The following TRNT1 variants were observed in gnomAD, a reference collection of about 807,000 sequenced individuals.
The protein encoded by TRNT1 is tRNA nucleotidyl transferase 1.
Under a neutral mutation model 45.6 loss-of-function variants are expected in TRNT1, and 44 were observed. The ratio of observed to expected loss-of-function variants is 0.97; its 90% CI spans 0.76 to 1.24. The LOEUF (loss-of-function observed/expected upper bound fraction) is 1.24. Among genes scored for constraint, TRNT1 ranks in the 50% most tolerant of loss-of-function variants. The pLI is 0.00. For synonymous variants in TRNT1, 201 were observed against 171.4 expected (o/e 1.17, Z -1.35); for missense variants, 633 against 504.4 (o/e 1.25, Z -2.44).
intron 2 of TRNT1, chr3:3,129,626 C>G (rs971054469): frequency 1.8e-6 from 1 of 550,592 alleles, no homozygotes; most frequent in African/African-American, 1.9e-5. Flanking sequence ...TTACATATGG[C>G]TGATCCAAAA....
chr3:3,128,870 C>T (rs1318228249), intron 1 of TRNT1, 144 bp from the exon 2 acceptor site: 4 of 639,682 alleles, frequency 6.3e-6, no homozygotes, highest in Non-Finnish European at 1.1e-5. Flanking sequence ...GTCGTAATCC[C>T]TCAAACTGAC....
Position 3,144,586 on chromosome 3 carries a change from T to C in TRNT1, c.484T>C (p.Phe162Leu), listed in dbSNP as rs965848707. The C allele has an allele frequency of 1.9e-6, 3 of 1,578,208 alleles. No homozygotes were observed. The highest frequency in any genetic ancestry group is 2.6e-6 in the Non-Finnish European group (3 of 1,161,562). ...DLTINSMFLGFDGTLFDYFNG... is the reference protein window; with the variant it reads ...DLTINSMFLGLDGTLFDYFNG... ...CTCCCTCCTTTTCTAATGAATAGGTTTTGATGGCACTTTATTTGACTACTT... is the reference window on the plus strand; with the variant it reads ...CTCCCTCCTTTTCTAATGAATAGGTCTTGATGGCACTTTATTTGACTACTT... Residue 162 changes from phenylalanine (F) to leucine (L), a missense_variant and splice_region_variant, in exon 5 of 8, where the codon TTT (phenylalanine) becomes CTT (leucine). By Grantham distance (22) the Phe-to-Leu change is conservative. Transcript: ENST00000251607.
intron 3 of TRNT1, 112 bp downstream of exon 3, chr3:3,137,565 T>G: frequency 1.8e-5 from 16 of 882,818 alleles, no homozygotes; most frequent in Non-Finnish European, 2.4e-5. Context: ...AGTCAGTCTC[T>G]TCTATGCCCG....
intron 4 of TRNT1, among the ~76,000 whole-genome samples, chr3:3,144,237 G>GT (rs760047103): frequency 4.0e-4 from 61 of 152,168 alleles, no homozygotes; most frequent in Non-Finnish European, 8.1e-4. Context: ...ATCCTGTTAC[G>GT]TATTTTTTCC....
downstream of TRNT1, chr3:3,149,538 C>T (rs528412420): frequency 4.9e-4 from 74 of 152,010 alleles, no homozygotes; most frequent in Admixed American, 4.8e-3. Context: ...AGAGTTCAGC[C>T]TACAGAGAGG....
intron 2 of TRNT1, chr3:3,131,440 T>C (rs1319332928): frequency 2.0e-5 from 3 of 152,188 alleles, no homozygotes; most frequent in Non-Finnish European, 2.9e-5. Flanking sequence ...ATTTTAACAA[T>C]TGTGTTTAAC....
intron 7 of TRNT1, 82 bp downstream of exon 7, chr3:3,147,785 A>T (rs1706149723): frequency 6.6e-7 from 1 of 1,522,526 alleles, no homozygotes; most frequent in East Asian, 2.3e-5. Context: ...AGATCTACAA[A>T]TCTGTGAATT....
chr3:3,135,160 C>A (rs11721228), intron 2 of TRNT1, among the ~76,000 whole-genome samples: 1 of 152,086 alleles, frequency 6.6e-6, no homozygotes, highest in Admixed American at 6.5e-5. Flanking sequence ...GGGTTATGGG[C>A]TAAGAAGTGT....
intron 3 of TRNT1, among the ~76,000 whole-genome samples, chr3:3,139,893 G>GT (rs1705540156): frequency 6.6e-6 from 1 of 151,938 alleles, no homozygotes; most frequent in African/African-American, 2.4e-5. Flanking sequence ...CACCTGGCTG[G>GT]TTTTTTTGTA....
At chr3:3,150,391 G>A (rs1031169281), downstream of TRNT1, 1 of 153,664 alleles carries the variant, frequency 6.5e-6, no homozygotes, top group African/African-American at 2.4e-5. Flanking sequence ...ACATTGCCTT[G>A]CTTCTTTCCA....
In TRNT1 at chr3:3,147,961, A is replaced by G. The variant is rs1179943378; in HGVS notation, c.1112A>G (p.Glu371Gly). ...RVCELLKYQG[E>G]HCLLKEMQQW... ...TGTGAACTACTGAAGTACCAAGGAG[A>G]GCACTGTCTCCTAAAGGAAATGCAG... is the stretch of plus-strand genomic sequence containing the variant. Residue 371 changes from glutamate to glycine, a missense_variant, in exon 8 of 8, where the codon GAG (glutamate) becomes GGG (glycine). Glu to Gly is a moderately conservative substitution (Grantham distance 98). Coordinates refer to ENST00000251607, the MANE Select transcript of TRNT1 (RefSeq NM_182916.3). The G allele has an allele frequency of 4.3e-6, 7 of 1,613,924 alleles. No homozygotes were observed. Among genetic ancestry groups the G allele is most frequent in the Non-Finnish European group, 5.9e-6 (7 of 1,179,918 alleles).
At chr3:3,152,280 G>A (rs1336456205), downstream of TRNT1, among the ~76,000 whole-genome samples, 4 of 151,730 alleles carry the variant, frequency 2.6e-5, no homozygotes. Flanking sequence ...AGCATCCCGA[G>A]CAGCTGGGAG....
chr3:3,148,387 G>C lies in TRNT1; in HGVS notation c.*233G>C. 2.4e-6 allele frequency: 1 copy of C among 420,330 alleles called. No individual in the cohort carries two copies. Among genetic ancestry groups the C allele is most frequent in the South Asian group, 3.5e-5 (1 of 28,276 alleles). The allele number at this position is 420,330 out of a possible 1,614,324, so 26.0% of individuals were successfully genotyped here. A position where few individuals can be genotyped will look rare whatever the true frequency, so the allele number is the denominator to read the frequency against. ...CAGTTCTTTTGGAATAGTTTCACCT[G>C]AGAAAACATAGTTGGCTATTATCTA... On this transcript the variant is annotated 3_prime_UTR_variant, in exon 8 of 8. Transcript: ENST00000251607.
intron 1 of TRNT1, among the ~76,000 whole-genome samples, chr3:3,128,757 A>C (rs1289175309): frequency 7.8e-6 from 1 of 127,526 alleles, no homozygotes; most frequent in South Asian, 3.1e-4. Flanking sequence ...TAACTCAACC[A>C]GTCAGTCAGT....
intron 2 of TRNT1, among the ~76,000 whole-genome samples, chr3:3,135,967 A>G (rs56204610): frequency 0.013 from 2,047 of 152,286 alleles, 26 homozygotes; most frequent in Middle Eastern, 0.027. Flanking sequence ...TTTGGAGAGC[A>G]TTTAAGGTAG....
downstream of TRNT1, chr3:3,152,641 T>G: frequency 8.1e-6 from 13 of 1,604,706 alleles, no homozygotes; most frequent in Non-Finnish European, 1.1e-5. Context: ...TCTAATTTTA[T>G]TAAATGCTTA....
chr3:3,140,426 A>G lies in TRNT1; in HGVS notation c.343-84A>G. On this transcript the variant is annotated intron_variant, in intron 3 of 7. Coordinates refer to ENST00000251607, the MANE Select transcript of TRNT1 (RefSeq NM_182916.3). Reference sequence around the variant, plus strand: ...AGGGCTTATAGTACCATCCCTTTATAAAGACAAAAACTTATTTTTTTCAAT... The same window carrying G: ...AGGGCTTATAGTACCATCCCTTTATGAAGACAAAAACTTATTTTTTTCAAT... 4.9e-6 allele frequency: 7 copies of G among 1,429,406 alleles called. No individual in the cohort carries two copies. In the South Asian group the frequency reaches 5.3e-5, roughly 11 times the overall value. 88.5% of individuals were successfully genotyped at this position (1,429,406 alleles called of 1,614,324 possible).
downstream of TRNT1, chr3:3,150,909 T>C (rs775690207): frequency 2.3e-5 from 37 of 1,614,026 alleles, no homozygotes; most frequent in Non-Finnish European, 3.1e-5. Context: ...TCATCTTCAG[T>C]GTCTGGGATC....
chr3:3,144,563 C>G (rs1431456811), intron 4 of TRNT1, 21 bp from the exon 5 acceptor site: 6 of 1,563,488 alleles, frequency 3.8e-6, no homozygotes, highest in African/African-American at 1.4e-5. Context: ...TGATTTTTCT[C>G]CCTCCTTTTC....
Sources: allele counts gnomAD v4.1 joint callset (sites outside exome capture counted in the v4.1 genomes callset), GRCh38; gene constraint gnomAD v4.1.1; transcripts MANE v1.5; gene names NCBI Gene and HGNC (gene_info 2026-07-23, HGNC 2026-07-21).